Variants in SP140 observed in about 807,000 individuals in gnomAD.
SP140 encodes nuclear body protein SP140.
SP140 carries 81 observed loss-of-function variants against 125.0 expected under a neutral mutation model. The ratio of observed to expected loss-of-function variants is 0.65; its 90% CI spans 0.54 to 0.78. The LOEUF (loss-of-function observed/expected upper bound fraction) is 0.78. Ranked by LOEUF, SP140 falls within the 30% of genes least tolerant of loss-of-function variation. SP140 has a pLI of 0.00. For synonymous variants in SP140, 312 were observed against 354.0 expected, an observed-to-expected ratio of 0.88 and a Z score of 1.33; for missense variants, 858 against 1,037.0, an observed-to-expected ratio of 0.83 and a Z score of 2.37.
rs1208231188 is a variant in SP140, at chr2:230,248,005, C to A, written c.832C>A (p.Pro278Thr). ...KQGEEEGRNS[P>T]RKRNQDKEKY... ...GGGAGAGGAGGAAGGCAGGAACAGT[C>A]CCAGAAAAAGAAACCAAGACAAGGA... is the stretch of plus-strand genomic sequence containing the variant. Residue 278 changes from proline (P) to threonine (T), a missense_variant, in exon 8 of 27, where the codon CCC becomes ACC. By Grantham distance (38) the Pro-to-Thr change is conservative. Coordinates refer to ENST00000392045, the MANE Select transcript of SP140 (RefSeq NM_007237.5). The A allele has an allele frequency of 3.7e-6, 6 of 1,613,510 alleles. No individual in the cohort carries two copies. Among genetic ancestry groups the A allele is most frequent in the Non-Finnish European group, 4.2e-6 (5 of 1,179,780 alleles).
At chr2:230,214,705 A>AT (rs931829147) in intron 3 of SP140, among the ~76,000 whole-genome samples, 23 of 151,946 alleles carry the variant, frequency 1.5e-4, no homozygotes, top group Non-Finnish European at 2.9e-4. Context: ...AAATTGTATG[A>AT]TTTTTTTCCA....
intron 20 of SP140, among the ~76,000 whole-genome samples, chr2:230,293,265 A>G (rs1216827844): frequency 6.6e-6 from 1 of 152,176 alleles, no homozygotes; most frequent in East Asian, 1.9e-4. Flanking sequence ...AGGAGTTTAA[A>G]CCTGTAATTG....
At chr2:230,227,158 G>A (rs1422461077) in intron 1 of SP140, among the ~76,000 whole-genome samples, 1 of 152,232 alleles carries the variant, frequency 6.6e-6, no homozygotes, top group Non-Finnish European at 1.5e-5. Context: ...ATGTAAAAAT[G>A]TATGGAAACT....
the SP140 span, among the ~76,000 whole-genome samples, chr2:230,190,308 T>C: frequency 6.6e-6 from 1 of 151,914 alleles, no homozygotes; most frequent in South Asian, 2.1e-4. Flanking sequence ...TGATCAGTGA[T>C]GTTGAGCGTT....
intron 15 of SP140, among the ~76,000 whole-genome samples, chr2:230,281,139 T>C (rs180873399): frequency 3.7e-4 from 56 of 152,314 alleles, no homozygotes; most frequent in African/African-American, 1.2e-3. Context: ...TAAAAGCTTT[T>C]ATTCCCCAAA....
At chr2:230,303,313 A>G (rs1028693030) in intron 22 of SP140, among the ~76,000 whole-genome samples, 7 of 152,202 alleles carry the variant, frequency 4.6e-5, no homozygotes, top group Admixed American at 1.3e-4. Flanking sequence ...CCTAGAGGGG[A>G]TGGATAAATT....
intron 10 of SP140, among the ~76,000 whole-genome samples, chr2:230,253,010 A>C (rs1420619646): frequency 1.3e-5 from 2 of 152,196 alleles, no homozygotes; most frequent in Non-Finnish European, 1.5e-5. Context: ...ATCTAGAATA[A>C]GAGCTAAAGA....
chr2:230,288,521 CT>C (rs1206649423), intron 18 of SP140, among the ~76,000 whole-genome samples: 5 of 109,138 alleles, frequency 4.6e-5, no homozygotes, highest in Non-Finnish European at 9.7e-5. Flanking sequence ...TTCTTTCTTT[CT>C]TTTTTTATTC....
At chr2:230,287,758 G>A (rs2056573831) in intron 17 of SP140, 134 bp from the exon 18 acceptor site, 4 of 648,122 alleles carry the variant, frequency 6.2e-6, no homozygotes, top group Admixed American at 3.6e-5. Context: ...TTAAAGGCTA[G>A]GGTTTAAATC....
chr2:230,254,132 T>C (rs920497955), intron 11 of SP140, among the ~76,000 whole-genome samples: 2 of 151,914 alleles, frequency 1.3e-5, no homozygotes, highest in Admixed American at 1.3e-4. Flanking sequence ...TGGAGGCAAA[T>C]ACAAATGACA....
At chr2:230,238,547 T>G in intron 3 of SP140, 166 bp downstream of exon 3, 1 of 779,946 alleles carries the variant, frequency 1.3e-6, no homozygotes, top group East Asian at 2.7e-5. Flanking sequence ...CATGTCCTTA[T>G]GGAGTTTACA....
At position 230,283,930 on chromosome 2, in the gene SP140, G is replaced by T. The variant is rs148117867; in HGVS notation, c.1499-416G>T. ...CATAATGAAAACTCTCCATATCAGA[G>T]TTCAGAATATCTCCCAATTTCCAAC... On this transcript the variant is annotated intron_variant, in intron 15 of 26. Coordinates refer to ENST00000392045, the MANE Select transcript of SP140 (RefSeq NM_007237.5). Among the ~76,000 whole-genome samples, 708 of 152,240 alleles carry T rather than the reference G, an allele frequency of 4.7e-3. 7 individuals carry two copies. Among genetic ancestry groups the T allele is most frequent in the African/African-American group, 0.016 (663 of 41,520 alleles).
chr2:230,227,482 T>C (rs1574863015), intron 1 of SP140, among the ~76,000 whole-genome samples: 1 of 152,354 alleles, frequency 6.6e-6, no homozygotes, highest in East Asian at 1.9e-4. Context: ...CTCTTATTTT[T>C]GGAGGAAATT....
chr2:230,299,652 G>A (rs1305095070), intron 22 of SP140, among the ~76,000 whole-genome samples: 1 of 152,196 alleles, frequency 6.6e-6, no homozygotes, highest in Non-Finnish European at 1.5e-5. Flanking sequence ...ATGGCAGGCA[G>A]GGAGGGGTGA....
At chr2:230,203,375 GA>G (rs113373650) in intron 1 of SP140, 19,585 of 156,604 alleles carry the variant, frequency 0.13, 1,399 homozygotes, top group South Asian at 0.27. Context: ...TGTTGAACAA[GA>G]ACGTTTCTCT....
rs1239974351 is a variant in SP140, at chr2:230,307,978, TATATATATATATAC to T, written c.2059-1944_2059-1931del. Among the ~76,000 whole-genome samples, 280 of 94,540 alleles carry T rather than the reference TATATATATATATAC, an allele frequency of 3.0e-3. 6 individuals carry two copies. In the Middle Eastern group the frequency reaches 0.032, roughly 11 times the overall value. 62.0% of individuals were successfully genotyped at this position (94,540 alleles called of 152,430 possible). ...ATGTATATATATATATATATATATA[TATATATATATATAC>T]ACACACACACACACACACACACACA... On this transcript the variant is annotated intron_variant, in intron 22 of 26. Coordinates refer to ENST00000392045, the MANE Select transcript of SP140 (RefSeq NM_007237.5).
At chr2:230,219,257 T>C (rs1183074979) in intron 3 of SP140, among the ~76,000 whole-genome samples, 2 of 151,992 alleles carry the variant, frequency 1.3e-5, no homozygotes. Flanking sequence ...CCAAAAAAAG[T>C]GTAAATGAAG....
rs112307916 is a variant in SP140 at position 230,204,905 on chromosome 2, AG to A, written c.-323+1630del. On this transcript the variant is annotated intron_variant, in intron 1 of 4. Coordinates refer to the SP140 transcript ENST00000456542. ...GAGAATAGCACATGCCAAGGATCAA[AG>A]GGGAGAGAAATGAAATGGGAAGAAA... Among the ~76,000 whole-genome samples, 78 of 152,332 alleles carry A rather than the reference AG, an allele frequency of 5.1e-4. 1 individual carries two copies. The highest frequency in any genetic ancestry group is 1.8e-3 in the African/African-American group (73 of 41,586).
chr2:230,192,135 C>T, the SP140 span, among the ~76,000 whole-genome samples: 3 of 151,952 alleles, frequency 2.0e-5, no homozygotes, highest in East Asian at 5.8e-4. Flanking sequence ...GAACATATCT[C>T]AAAATAATAA....
Sources: allele counts gnomAD v4.1 joint callset (sites outside exome capture counted in the v4.1 genomes callset), GRCh38; gene constraint gnomAD v4.1.1; transcripts MANE v1.5; gene names NCBI Gene and HGNC (gene_info 2026-07-23, HGNC 2026-07-21).